Variants in ZNF385D observed in about 807,000 individuals in gnomAD.
The protein encoded by ZNF385D is zinc finger protein 659.
ZNF385D carries 15 observed loss-of-function variants against 35.8 expected under a neutral mutation model. The ratio of observed to expected loss-of-function variants is 0.42; its 90% CI spans 0.28 to 0.64. The LOEUF is 0.64. Ranked by LOEUF, ZNF385D falls within the 30% of genes least tolerant of loss-of-function variation. The probability of loss-of-function intolerance (pLI) is 0.23; values close to 1 mark genes in which losing one functional copy is unlikely to be tolerated. For synonymous variants in ZNF385D, 212 were observed against 186.8 expected (o/e 1.13, Z -1.10); for missense variants, 474 against 494.6 (o/e 0.96, Z 0.39).
At chr3:21,896,035 G>C (rs536614628) in intron 3 of ZNF385D, among the ~76,000 whole-genome samples, 2 of 152,230 alleles carry the variant, frequency 1.3e-5, no homozygotes, top group Non-Finnish European at 2.9e-5. Flanking sequence ...CCACATTAAA[G>C]TAAAATTTTT....
chr3:21,586,916 A>C (rs2125719543), intron 2 of ZNF385D, among the ~76,000 whole-genome samples: 1 of 152,294 alleles, frequency 6.6e-6, no homozygotes, highest in Admixed American at 6.5e-5. Flanking sequence ...TTGTTTACTC[A>C]GTTTGTGGGC....
intron 3 of ZNF385D, among the ~76,000 whole-genome samples, chr3:22,079,697 A>G (rs1359639848): frequency 6.6e-6 from 1 of 152,062 alleles, no homozygotes; most frequent in Non-Finnish European, 1.5e-5. Context: ...ACCAGATTAA[A>G]TATGTCTTTA....
chr3:21,776,180 G>C (rs1196262320), intron 3 of ZNF385D, among the ~76,000 whole-genome samples: 1 of 151,784 alleles, frequency 6.6e-6, no homozygotes, highest in Non-Finnish European at 1.5e-5. Flanking sequence ...TGGACACTTA[G>C]ATATTTTCCA....
intron 3 of ZNF385D, among the ~76,000 whole-genome samples, chr3:21,910,172 A>G (rs1699894445): frequency 6.6e-6 from 1 of 151,794 alleles, no homozygotes; most frequent in Non-Finnish European, 1.5e-5. Context: ...ATAGGATTGC[A>G]CCGTCATCCA....
At chr3:21,893,988 A>G (rs1480591859) in intron 3 of ZNF385D, among the ~76,000 whole-genome samples, 1 of 152,206 alleles carries the variant, frequency 6.6e-6, no homozygotes, top group Admixed American at 6.5e-5. Context: ...TAACATGTTC[A>G]AAACTTTCAC....
intron 3 of ZNF385D, among the ~76,000 whole-genome samples, chr3:22,063,429 C>T (rs1699785975): frequency 6.6e-6 from 1 of 151,996 alleles, no homozygotes; most frequent in Non-Finnish European, 1.5e-5. Flanking sequence ...TATCATGATA[C>T]AAAATTTCAT....
chr3:21,644,835 T>C (rs2065705946), intron 2 of ZNF385D, among the ~76,000 whole-genome samples: 1 of 152,162 alleles, frequency 6.6e-6, no homozygotes, highest in Non-Finnish European at 1.5e-5. Flanking sequence ...CACATTATTG[T>C]GTAAAAGTGA....
At chr3:22,161,588 A>G (rs537911607) in intron 3 of ZNF385D, among the ~76,000 whole-genome samples, 24 of 152,278 alleles carry the variant, frequency 1.6e-4, no homozygotes, top group Non-Finnish European at 2.9e-4. Context: ...CTTCTAATAT[A>G]GAATTCCTTT....
chr3:21,899,315 A>G (rs781384377), intron 3 of ZNF385D, among the ~76,000 whole-genome samples: 7 of 152,178 alleles, frequency 4.6e-5, no homozygotes, highest in Non-Finnish European at 8.8e-5. Context: ...CTTTTGATAT[A>G]TAAATAAAAT....
chr3:22,194,507 C>G (rs796590940), intron 2 of ZNF385D, among the ~76,000 whole-genome samples: 8 of 151,944 alleles, frequency 5.3e-5, no homozygotes, highest in Middle Eastern at 6.8e-3. Context: ...CTTCTTTAAT[C>G]CACTGCTTTT....
intron 2 of ZNF385D, among the ~76,000 whole-genome samples, chr3:22,346,595 T>A (rs1292435017): frequency 6.6e-6 from 1 of 152,184 alleles, no homozygotes; most frequent in Non-Finnish European, 1.5e-5. Context: ...ATCCAATAGG[T>A]GATAAAAATT....
At chr3:21,528,373 G>C (rs1375330247) in intron 3 of ZNF385D, among the ~76,000 whole-genome samples, 1 of 152,070 alleles carries the variant, frequency 6.6e-6, no homozygotes, top group Non-Finnish European at 1.5e-5. Context: ...ACTTCTCTCA[G>C]AGTTCACTGG....
chr3:21,729,814 T>C (rs2068915824), intron 1 of ZNF385D, among the ~76,000 whole-genome samples: 1 of 152,186 alleles, frequency 6.6e-6, no homozygotes, highest in South Asian at 2.1e-4. Context: ...TCCTTGTATC[T>C]AGAAAGGGAT....
intron 3 of ZNF385D, among the ~76,000 whole-genome samples, chr3:21,835,190 A>AGAGATGC (rs1695253229): frequency 1.3e-5 from 2 of 151,998 alleles, no homozygotes; most frequent in African/African-American, 4.8e-5. Flanking sequence ...TCAAAAACCA[A>AGAGATGC]GAGATGCTCA....
At position 22,181,419 on chromosome 3, in the gene ZNF385D, G is replaced by C. The variant is rs1281076077; in HGVS notation, c.107-12384C>G. ...CCAATAGAATATGGTAAAGGTGGCCGGGCGCGGTGTCTCAAGCCTGTAATC... is the reference window on the plus strand; with the variant it reads ...CCAATAGAATATGGTAAAGGTGGCCCGGCGCGGTGTCTCAAGCCTGTAATC... On this transcript the variant is annotated intron_variant, in intron 2 of 5. Transcript: ENST00000494108. 3.3e-5 allele frequency among the ~76,000 whole-genome samples: 5 copies of C among 152,170 alleles called. No homozygotes were observed. The South Asian group carries it at 1.0e-3, about 32-fold the overall frequency.
chr3:22,076,801 A>G (rs977599069), intron 3 of ZNF385D, among the ~76,000 whole-genome samples: 1 of 151,960 alleles, frequency 6.6e-6, no homozygotes, highest in Non-Finnish European at 1.5e-5. Context: ...TCTTGGACAA[A>G]ATATTTGAAG....
At position 22,110,338 on chromosome 3, in the gene ZNF385D, CAT is replaced by C. The variant is rs1368745736; in HGVS notation, c.325+58477_325+58478del. Among the ~76,000 whole-genome samples, 10 of 152,016 alleles carry C rather than the reference CAT, an allele frequency of 6.6e-5. No individual in the cohort carries two copies. The East Asian group carries it at 1.7e-3, about 26-fold the overall frequency. ...ATGCTGCTGTAAAGACACATGCACA[CAT>C]ATGTTTATTGCGGCACTATTCACAA... is the stretch of plus-strand genomic sequence containing the variant. On this transcript the variant is annotated intron_variant, in intron 3 of 5. Coordinates refer to the ZNF385D transcript ENST00000494108.
chr3:21,900,897 T>C (rs183641659), intron 3 of ZNF385D, among the ~76,000 whole-genome samples: 200 of 152,214 alleles, frequency 1.3e-3, no homozygotes, highest in African/African-American at 4.7e-3. Flanking sequence ...GTTCATACAA[T>C]AGCCCTCCCA....
At chr3:21,599,855 G>C (rs530831855) in intron 2 of ZNF385D, among the ~76,000 whole-genome samples, 1 of 152,302 alleles carries the variant, frequency 6.6e-6, no homozygotes, top group East Asian at 1.9e-4. Flanking sequence ...TCTTGAATAT[G>C]AGCTGGGTAA....
Sources: allele counts gnomAD v4.1 joint callset (sites outside exome capture counted in the v4.1 genomes callset), GRCh38; gene constraint gnomAD v4.1.1; transcripts MANE v1.5; gene names NCBI Gene and HGNC (gene_info 2026-07-23, HGNC 2026-07-21).